The following ATG7 variants were observed in gnomAD, a reference collection of about 807,000 sequenced individuals.
ATG7 encodes autophagy related 7.
Under a neutral mutation model 82.4 loss-of-function variants are expected in ATG7, and 70 were observed. The ratio of observed to expected loss-of-function variants is 0.85; its 90% CI spans 0.70 to 1.04. The LOEUF is 1.04. ATG7 is among the 50% of genes least tolerant of loss of function. The pLI, the probability that ATG7 is intolerant of heterozygous loss-of-function variation, is 0.00. For missense variants in ATG7, 792 were observed against 864.3 expected (o/e 0.92, Z 1.05); for synonymous variants, 287 against 313.0 (o/e 0.92, Z 0.88).
chr3:11,308,931 A>G (rs1948198104), intron 6 of ATG7, 53 bp from the exon 7 acceptor site: 1 of 1,517,396 alleles, frequency 6.6e-7, no homozygotes, highest in Non-Finnish European at 9.2e-7. Context: ...CCTGAGAGTG[A>G]GAAACTCAGA....
At chr3:11,486,546 T>A (rs1359537628) in intron 20 of ATG7, among the ~76,000 whole-genome samples, 1 of 150,404 alleles carries the variant, frequency 6.6e-6, no homozygotes, top group African/African-American at 2.4e-5. Flanking sequence ...TCCTGCCTAA[T>A]TACCCTGGCC....
chr3:11,514,701 G>T (rs1372580260), intron 20 of ATG7, among the ~76,000 whole-genome samples: 1 of 152,204 alleles, frequency 6.6e-6, no homozygotes, highest in African/African-American at 2.4e-5. Flanking sequence ...TACTTACATA[G>T]CTCCACTTTT....
rs2092506950 is a variant in ATG7, at chr3:11,523,904, T to C, written c.2080-30907T>C. On this transcript the variant is annotated intron_variant, in intron 20 of 20. Transcript: ENST00000693202. Reference sequence around the variant, plus strand: ...ACAGAATCTTCTGTTTCCACTTGTCTGGTAATAACTGCAACACTTCATGGT... The same window carrying C: ...ACAGAATCTTCTGTTTCCACTTGTCCGGTAATAACTGCAACACTTCATGGT... Among the ~76,000 whole-genome samples the C allele has an allele frequency of 2.0e-5, 3 of 152,218 alleles. No homozygotes were observed. The South Asian group carries it at 6.2e-4, about 31-fold the overall frequency.
Position 11,331,417 on chromosome 3 carries a change from A to C in ATG7, c.756A>C (p.Ala252=), listed in dbSNP as rs751539430. Residue 252 remains alanine (A), a synonymous_variant, in exon 10 of 21, where the codon GCA becomes GCC. Coordinates refer to ENST00000693202, the MANE Select transcript of ATG7 (RefSeq NM_001349232.2). ...GWPLRNFLVL[A]AHRWSSSFQS... is the part of the protein sequence containing the mutation. Reference sequence around the variant, plus strand: ...CTTTGAGGAATTTTTTGGTCCTAGCAGCCCACAGATGGTATTTACAAGAGT... The same window carrying C: ...CTTTGAGGAATTTTTTGGTCCTAGCCGCCCACAGATGGTATTTACAAGAGT... 1.9e-6 allele frequency: 3 copies of C among 1,604,422 alleles called. No individual in the cohort carries two copies. The highest frequency in any genetic ancestry group is 2.6e-6 in the Non-Finnish European group (3 of 1,171,130).
intron 20 of ATG7, among the ~76,000 whole-genome samples, chr3:11,482,104 C>G (rs546616944): frequency 1.3e-5 from 2 of 152,318 alleles, no homozygotes; most frequent in South Asian, 4.1e-4. Flanking sequence ...CCTGATGCCC[C>G]GGTTCCTTCT....
chr3:11,376,512 A>G (rs897864237), intron 18 of ATG7, among the ~76,000 whole-genome samples: 1 of 152,168 alleles, frequency 6.6e-6, no homozygotes, highest in Non-Finnish European at 1.5e-5. Flanking sequence ...GTGAACACTT[A>G]GATATGTAGC....
rs750390950 is a variant in ATG7, at chr3:11,315,391, A to C, written c.576A>C (p.Gly192=). 6 of 1,611,472 alleles carry C rather than the reference A, an allele frequency of 3.7e-6. No homozygotes were observed. The Admixed American group carries it at 8.4e-5, about 23-fold the overall frequency. Residue 192 remains glycine (G), a synonymous_variant, in exon 9 of 21, where the codon GGA becomes GGC. Coordinates refer to ENST00000693202, the MANE Select transcript of ATG7 (RefSeq NM_001349232.2). ...ATGATAATCTTTGTCAAACAGAAGG[A>C]GTCACAGCTCTTCCTTACTTCTTAA... ...CAYDNLCQTE[G]VTALPYFLIK...
At chr3:11,286,583 C>CTTTTTT (rs5846700) in intron 3 of ATG7, among the ~76,000 whole-genome samples, 30 of 66,964 alleles carry the variant, frequency 4.5e-4, no homozygotes, top group South Asian at 7.4e-4. Flanking sequence ...TTCTTTCTTT[C>CTTTTTT]TTTTTTTTTT....
chr3:11,526,496 A>C (rs1334434093), intron 20 of ATG7, among the ~76,000 whole-genome samples: 1 of 152,254 alleles, frequency 6.6e-6, no homozygotes, highest in Non-Finnish European at 1.5e-5. Flanking sequence ...ATTTATAAGC[A>C]ATAGGATTAT....
chr3:11,374,622 A>G (rs2077255081), intron 18 of ATG7, among the ~76,000 whole-genome samples: 1 of 152,170 alleles, frequency 6.6e-6, no homozygotes, highest in East Asian at 1.9e-4. Context: ...AAAGCACAAA[A>G]AGTCCATGTG....
At position 11,554,876 on chromosome 3, in the gene ATG7, G is replaced by T; in HGVS notation, c.*33G>T. ...CCGCTGTGGGGCTGACTTCTCCCCG[G>T]CCGCCTGCTGAGGAGCTCTCCATCG... On this transcript the variant is annotated 3_prime_UTR_variant, in exon 21 of 21. Transcript: ENST00000693202. 1 of 1,608,024 alleles carries T rather than the reference G, an allele frequency of 6.2e-7. No individual in the cohort carries two copies.
intron 1 of ATG7, 27 bp downstream of exon 1, chr3:11,272,457 G>A (rs2122031): frequency 0.55 from 83,732 of 152,662 alleles, 24,196 homozygotes; most frequent in Non-Finnish European, 0.65. Context: ...GGGCGAGGGT[G>A]TAGTGGGGTC....
At chr3:11,403,785 A>G (rs991633771) in intron 19 of ATG7, among the ~76,000 whole-genome samples, 5 of 152,226 alleles carry the variant, frequency 3.3e-5, no homozygotes, top group African/African-American at 4.8e-5. Flanking sequence ...ATAGTTCTAC[A>G]CATTGGGCAT....
At position 11,298,758 on chromosome 3, in the gene ATG7, C is replaced by A. The variant is rs201237102; in HGVS notation, c.63C>A (p.Ala21=). 29 of 1,614,098 alleles carry A rather than the reference C, an allele frequency of 1.8e-5. No homozygotes were observed. The South Asian group carries it at 2.7e-4, about 15-fold the overall frequency. Residue 21 remains alanine, a synonymous_variant, in exon 4 of 21, where the codon GCC becomes GCA. Transcript: ENST00000693202. ...TGCAGTTTGCCCCTTTTAGTAGTGC[C>A]TTGGATGTTGGGTTTTGGCATGAGT... ...SKLQFAPFSS[A]LDVGFWHELT... is the part of the protein sequence containing the mutation.
At chr3:11,281,558 A>G (rs971170669) in intron 2 of ATG7, among the ~76,000 whole-genome samples, 2 of 152,178 alleles carry the variant, frequency 1.3e-5, no homozygotes, top group African/African-American at 4.8e-5. Context: ...GGATCACCTG[A>G]GGTCAGGAGT....
chr3:11,273,836 C>T (rs147113575), intron 1 of ATG7, among the ~76,000 whole-genome samples: 176 of 152,142 alleles, frequency 1.2e-3, no homozygotes, highest in Non-Finnish European at 2.2e-3. Context: ...CTGAAACGTA[C>T]AGGGTCATGG....
At chr3:11,498,757 A>G (rs1046166802) in intron 20 of ATG7, among the ~76,000 whole-genome samples, 1 of 152,166 alleles carries the variant, frequency 6.6e-6, no homozygotes, top group African/African-American at 2.4e-5. Flanking sequence ...TCAGCCCTTC[A>G]TACCACACAG....
chr3:11,441,778 T>TG (rs2084000322), intron 20 of ATG7, among the ~76,000 whole-genome samples: 1 of 151,522 alleles, frequency 6.6e-6, no homozygotes, highest in African/African-American at 2.4e-5. Flanking sequence ...GCAATTCTCC[T>TG]GCCTCAGCCT....
At chr3:11,490,877 T>C (rs2923847) in intron 20 of ATG7, among the ~76,000 whole-genome samples, 128,793 of 151,992 alleles carry the variant, frequency 0.85, 54,768 homozygotes, top group East Asian at 1. Flanking sequence ...GTGGGTAACC[T>C]GACCTTTCTC....
Sources: allele counts gnomAD v4.1 joint callset (sites outside exome capture counted in the v4.1 genomes callset), GRCh38; gene constraint gnomAD v4.1.1; transcripts MANE v1.5; gene names NCBI Gene and HGNC (gene_info 2026-07-23, HGNC 2026-07-21).